DCC: variants seen among roughly 807,000 people sequenced by gnomAD.
The protein encoded by DCC is DCC netrin 1 receptor.
DCC carries 58 observed loss-of-function variants against 172.5 expected under a neutral mutation model. The ratio of observed to expected loss-of-function variants is 0.34; its 90% CI spans 0.27 to 0.42. The LOEUF is 0.42. Ranked by LOEUF, DCC falls within the 10% of genes least tolerant of loss-of-function variation. The probability of loss-of-function intolerance (pLI) is 1.00; values close to 1 mark genes in which losing one functional copy is unlikely to be tolerated. For missense variants in DCC, 1,740 were observed against 1,791.0 expected, an observed-to-expected ratio of 0.97 and a Z score of 0.51; for synonymous variants, 709 against 644.5, an observed-to-expected ratio of 1.10 and a Z score of -1.52.
chr18:53,158,988 CAAAAA>C (rs558049091), intron 8 of DCC, among the ~76,000 whole-genome samples: 1 of 52,370 alleles, frequency 1.9e-5, no homozygotes, highest in Non-Finnish European at 3.8e-5. Context: ...GACGCCATCT[CAAAAA>C]AAAAAAAAAA....
At chr18:52,990,581 T>C (rs1371903568) in intron 5 of DCC, among the ~76,000 whole-genome samples, 7 of 149,578 alleles carry the variant, frequency 4.7e-5, no homozygotes, top group Non-Finnish European at 7.4e-5. Flanking sequence ...AGCTCCTTTT[T>C]TGCCACAATT....
At chr18:52,732,441 C>T (rs991326557) in intron 1 of DCC, among the ~76,000 whole-genome samples, 4 of 152,116 alleles carry the variant, frequency 2.6e-5, no homozygotes, top group South Asian at 2.1e-4. Context: ...ACTATTATTA[C>T]GTTATGTGAC....
chr18:52,568,022 T>C (rs1052134231), intron 1 of DCC, among the ~76,000 whole-genome samples: 1 of 152,172 alleles, frequency 6.6e-6, no homozygotes, highest in African/African-American at 2.4e-5. Context: ...CAAATATCAA[T>C]TTTTTGGTTT....
At chr18:53,062,977 A>G (rs57641235) in intron 5 of DCC, among the ~76,000 whole-genome samples, 7,148 of 151,940 alleles carry the variant, frequency 0.047, 527 homozygotes, top group African/African-American at 0.16. Context: ...CCAAAGACTT[A>G]TGTACTTTTC....
At chr18:53,353,795 G>A (rs1306074651) in intron 15 of DCC, among the ~76,000 whole-genome samples, 6 of 151,674 alleles carry the variant, frequency 4.0e-5, no homozygotes, top group African/African-American at 1.5e-4. Context: ...TATACTTTAA[G>A]TTCTAGGGTA....
At chr18:52,562,761 G>T (rs906388280) in intron 1 of DCC, among the ~76,000 whole-genome samples, 1 of 152,024 alleles carries the variant, frequency 6.6e-6, no homozygotes, top group East Asian at 1.9e-4. Flanking sequence ...CACATAAAAA[G>T]AACAATTTTA....
intron 1 of DCC, among the ~76,000 whole-genome samples, chr18:52,403,310 G>A (rs1054793578): frequency 3.3e-5 from 5 of 151,984 alleles, no homozygotes; most frequent in Non-Finnish European, 7.4e-5. Flanking sequence ...CCCTATAAGG[G>A]AAGCAGAGAT....
At chr18:52,642,045 T>TCC (rs2034909348) in intron 1 of DCC, among the ~76,000 whole-genome samples, 1 of 9,390 alleles carries the variant, frequency 1.1e-4, no homozygotes, top group African/African-American at 2.0e-4. Flanking sequence ...TATATATATA[T>TCC]ACTGTGGTGT....
chr18:52,615,954 G>A (rs894584412), intron 1 of DCC, among the ~76,000 whole-genome samples: 27 of 152,064 alleles, frequency 1.8e-4, no homozygotes, highest in African/African-American at 6.3e-4. Flanking sequence ...ATGCATAAAG[G>A]TGAGATTTTA....
chr18:53,128,868 C>CATATATATATATAT (rs1461421322), intron 7 of DCC, among the ~76,000 whole-genome samples: 28 of 57,434 alleles, frequency 4.9e-4, no homozygotes, highest in Middle Eastern at 8.2e-3. Context: ...CACACACACA[C>CATATATATATATAT]ACATATATAT....
At chr18:53,252,811 T>C (rs1387936312) in intron 12 of DCC, among the ~76,000 whole-genome samples, 1 of 151,988 alleles carries the variant, frequency 6.6e-6, no homozygotes, top group Non-Finnish European at 1.5e-5. Flanking sequence ...ATGAGCAATT[T>C]GGAAAAAAAT....
chr18:53,043,041 A>G (rs980598637), intron 5 of DCC, among the ~76,000 whole-genome samples: 2 of 152,012 alleles, frequency 1.3e-5, no homozygotes, highest in African/African-American at 4.8e-5. Context: ...AGCAGTATTC[A>G]CAATAGCAAA....
At chr18:53,127,626 C>T (rs893336305) in intron 7 of DCC, among the ~76,000 whole-genome samples, 2 of 152,050 alleles carry the variant, frequency 1.3e-5, no homozygotes, top group Non-Finnish European at 2.9e-5. Flanking sequence ...AAATGTATGA[C>T]TTTGAACAAA....
Position 53,157,104 on chromosome 18 carries a change from C to T in DCC, c.1262-252C>T, listed in dbSNP as rs925095149. 1.1e-4 allele frequency among the ~76,000 whole-genome samples: 16 copies of T among 152,240 alleles called. 1 individual carries two copies. In the South Asian group the frequency reaches 3.1e-3, roughly 30 times the overall value. ...TTTTTTTCCCTTATTGTCATAGATC[C>T]CATGGGTAATAGAAATTGGACATTT... On this transcript the variant is annotated intron_variant, in intron 7 of 28. Transcript: ENST00000442544.
At chr18:53,394,186 C>CCT (rs1908764571) in intron 17 of DCC, among the ~76,000 whole-genome samples, 1 of 152,268 alleles carries the variant, frequency 6.6e-6, no homozygotes, top group East Asian at 1.9e-4. Flanking sequence ...GGCTTTGCAA[C>CCT]CTCCTGTCAT....
intron 5 of DCC, among the ~76,000 whole-genome samples, chr18:52,987,370 G>A (rs952047307): frequency 6.6e-6 from 1 of 152,130 alleles, no homozygotes; most frequent in Non-Finnish European, 1.5e-5. Flanking sequence ...GCAAAGCACT[G>A]CAGATTTCCA....
At position 53,477,182 on chromosome 18, in the gene DCC, T is replaced by G. The variant is rs542013575; in HGVS notation, c.3736+9172T>G. Among the ~76,000 whole-genome samples the G allele has an allele frequency of 2.5e-3, 383 of 152,198 alleles. 1 individual carries two copies. Among genetic ancestry groups the G allele is most frequent in the African/African-American group, 8.7e-3 (362 of 41,520 alleles). ...AGCCAACATGCCCAGCTAGTTTTTG[T>G]ATTTTTTGAAGAGACGAGGTTTCAC... On this transcript the variant is annotated intron_variant, in intron 25 of 28. Transcript: ENST00000442544.
chr18:53,490,111 T>TATTTTTCTG (rs1599210720), intron 26 of DCC, among the ~76,000 whole-genome samples: 1 of 152,316 alleles, frequency 6.6e-6, no homozygotes, highest in East Asian at 1.9e-4. Context: ...TTATTCATGC[T>TATTTTTCTG]ATTTTTCTGC....
chr18:53,129,188 C>T (rs1379158346), intron 7 of DCC, among the ~76,000 whole-genome samples: 1 of 151,872 alleles, frequency 6.6e-6, no homozygotes, highest in Non-Finnish European at 1.5e-5. Context: ...TTCTCAGCCT[C>T]TATATTCTTA....
Sources: gnomAD v4.1 joint callset for allele counts (sites outside exome capture counted in the v4.1 genomes callset) on GRCh38, gnomAD v4.1.1 for gene constraint, MANE v1.5 for transcripts, NCBI Gene and HGNC (gene_info 2026-07-23, HGNC 2026-07-21) for gene names.